ZDHHC13: variants seen among roughly 807,000 people sequenced by gnomAD.
ZDHHC13 encodes the protein palmitoyltransferase ZDHHC13.
ZDHHC13 carries 85 observed loss-of-function variants against 86.0 expected under a neutral mutation model. The ratio of observed to expected loss-of-function variants is 0.99; its 90% CI spans 0.83 to 1.18. The LOEUF is 1.18. ZDHHC13 is among the 50% of genes most tolerant of loss of function. ZDHHC13 has a pLI of 0.00. For missense variants in ZDHHC13, 711 were observed against 730.2 expected, an observed-to-expected ratio of 0.97 and a Z score of 0.30; for synonymous variants, 263 against 246.4, an observed-to-expected ratio of 1.07 and a Z score of -0.63.
intron 2 of ZDHHC13, among the ~76,000 whole-genome samples, chr11:19,144,798 A>G (rs1342759542): frequency 6.6e-6 from 1 of 152,160 alleles, no homozygotes; most frequent in African/African-American, 2.4e-5. Flanking sequence ...AAAGTGCTAA[A>G]GGGTCAGTTG....
At chr11:19,138,335 C>T (rs1202513139) in intron 1 of ZDHHC13, among the ~76,000 whole-genome samples, 61 of 151,996 alleles carry the variant, frequency 4.0e-4, no homozygotes, top group African/African-American at 1.4e-3. Context: ...AATTCCTCAA[C>T]ACATACACTC....
At chr11:19,159,760 G>A (rs1019782893) in intron 10 of ZDHHC13, among the ~76,000 whole-genome samples, 2 of 152,106 alleles carry the variant, frequency 1.3e-5, no homozygotes, top group African/African-American at 4.8e-5. Context: ...TTAGGGGTGT[G>A]TTGTTCTCTT....
At chr11:19,139,485 A>T (rs74502983) in intron 1 of ZDHHC13, among the ~76,000 whole-genome samples, 1 of 96,576 alleles carries the variant, frequency 1.0e-5, no homozygotes, top group Non-Finnish European at 2.4e-5. Context: ...AATGGCCCTA[A>T]TGCCCAAGGT....
At chr11:19,140,053 A>C (rs61887282) in intron 1 of ZDHHC13, among the ~76,000 whole-genome samples, 4 of 145,446 alleles carry the variant, frequency 2.8e-5, no homozygotes, top group African/African-American at 5.1e-5. Context: ...ACAAAAGCCA[A>C]AATTGACAAA....
intron 1 of ZDHHC13, among the ~76,000 whole-genome samples, chr11:19,140,935 A>C (rs182196768): frequency 6.9e-4 from 54 of 78,176 alleles, no homozygotes; most frequent in African/African-American, 2.2e-3. Context: ...GGGAGGGGGG[A>C]GGGATAGCAT....
chr11:19,172,760 G>T lies in ZDHHC13; in HGVS notation c.1670G>T (p.Ser557Ile), dbSNP rs1565045236. ...FLGLTSHERISLQKQSKHMKQ... is the reference protein window; with the variant it reads ...FLGLTSHERIILQKQSKHMKQ... ...GGCCTGACCTCCCATGAGAGAATCA[G>T]CCTGCAGAAGCAGAGCAAGCATATG... is the stretch of plus-strand genomic sequence containing the variant. Residue 557 changes from serine (S) to isoleucine (I), a missense_variant, in exon 16 of 17, where the codon AGC becomes ATC. Ser to Ile is a moderately radical substitution (Grantham distance 142). Transcript: ENST00000446113. 2 of 1,605,720 alleles carry T rather than the reference G, an allele frequency of 1.2e-6. No individual in the cohort carries two copies. Among genetic ancestry groups the T allele is most frequent in the Non-Finnish European group, 1.7e-6 (2 of 1,176,122 alleles).
intron 11 of ZDHHC13, among the ~76,000 whole-genome samples, chr11:19,164,074 T>A (rs1849987340): frequency 6.6e-6 from 1 of 151,758 alleles, no homozygotes; most frequent in Non-Finnish European, 1.5e-5. Flanking sequence ...TAGGTGGGAG[T>A]GGTGGGGTGG....
chr11:19,161,548 T>G (rs1849911263), intron 10 of ZDHHC13, among the ~76,000 whole-genome samples: 1 of 152,042 alleles, frequency 6.6e-6, no homozygotes, highest in South Asian at 2.1e-4. Flanking sequence ...TTTCTTTTGG[T>G]ACCTTTTATA....
At chr11:19,129,267 T>C (rs1848939756) in intron 1 of ZDHHC13, among the ~76,000 whole-genome samples, 1 of 152,246 alleles carries the variant, frequency 6.6e-6, no homozygotes, top group Non-Finnish European at 1.5e-5. Flanking sequence ...TTTATTATGC[T>C]GTCTGGTACT....
At position 19,176,366 on chromosome 11, in the gene ZDHHC13, A is replaced by G. The variant is rs1850363903; in HGVS notation, c.*406A>G. Reference sequence around the variant, plus strand: ...CTATAAATATGTAAAAAATATTTAAATAGATGTACCTGTTTTGCTTTCACA... The same window carrying G: ...CTATAAATATGTAAAAAATATTTAAGTAGATGTACCTGTTTTGCTTTCACA... On this transcript the variant is annotated 3_prime_UTR_variant, in exon 17 of 17. Coordinates refer to ENST00000446113, the MANE Select transcript of ZDHHC13 (RefSeq NM_019028.3). The G allele has an allele frequency of 6.5e-6, 1 of 153,232 alleles. No individual in the cohort carries two copies. Among genetic ancestry groups the G allele is most frequent in the African/African-American group, 2.4e-5 (1 of 41,470 alleles). The allele number at this position is 153,232 out of a possible 1,614,324, so 9.5% of individuals were successfully genotyped here. A position where few individuals can be genotyped will look rare whatever the true frequency, so the allele number is the denominator to read the frequency against.
intron 13 of ZDHHC13, 142 bp from the exon 14 acceptor site, chr11:19,166,160 A>G: frequency 1.5e-6 from 1 of 648,458 alleles, no homozygotes; most frequent in Non-Finnish European, 2.7e-6. Flanking sequence ...GTTTGATTTA[A>G]TGGTACTTAA....
rs61887276 is a variant in ZDHHC13, at chr11:19,137,618, A to T, written c.28-5360A>T. On this transcript the variant is annotated intron_variant, in intron 1 of 16. Transcript: ENST00000446113. ...CCCCAAATCAACAGAATATACATTT[A>T]TTTCAGCACCACACCACACCTATTC... Among the ~76,000 whole-genome samples the T allele has an allele frequency of 3.7e-3, 556 of 152,208 alleles. 2 individuals are homozygous for T. Among genetic ancestry groups the T allele is most frequent in the African/African-American group, 0.011 (456 of 41,514 alleles).
At chr11:19,125,329 A>G (rs1005588657) in intron 1 of ZDHHC13, among the ~76,000 whole-genome samples, 1 of 152,320 alleles carries the variant, frequency 6.6e-6, no homozygotes, top group South Asian at 2.1e-4. Flanking sequence ...TTGAACAGAC[A>G]CTTCACCAGA....
intron 14 of ZDHHC13, chr11:19,168,761 C>G: frequency 1.0e-6 from 1 of 976,516 alleles, no homozygotes; most frequent in Non-Finnish European, 1.2e-6. Context: ...TCTATACTCT[C>G]CTTCTCATGT....
Position 19,143,087 on chromosome 11 carries a change from A to G in ZDHHC13, c.137A>G (p.Glu46Gly). The change falls in exon 2 of 17, where the codon GAG (glutamate) becomes GGG (glycine). Residue 46 changes from glutamate to glycine, a missense_variant. By Grantham distance (98) the Glu-to-Gly change is moderately conservative (BLOSUM62 -2). Coordinates refer to ENST00000446113, the MANE Select transcript of ZDHHC13 (RefSeq NM_019028.3). ...GCAAGAGAAGCTCTTCCTCTTATAG[A>G]GGACTCTAGTAACTGTGACATTGTC... The part of the protein sequence containing the change: ...ANAREALPLI[E>G]DSSNCDIVKA... 6.2e-7 allele frequency: 1 copy of G among 1,613,358 alleles called. No homozygotes were observed. The highest frequency in any genetic ancestry group is 8.5e-7 in the Non-Finnish European group (1 of 1,179,548).
rs188823977 is a variant in ZDHHC13 at position 19,140,630 on chromosome 11, G to A, written c.28-2348G>A. Among the ~76,000 whole-genome samples, 1,247 of 152,046 alleles carry A rather than the reference G, an allele frequency of 8.2e-3. 12 individuals carry two copies. Among genetic ancestry groups the A allele is most frequent in the African/African-American group, 0.027 (1,131 of 41,472 alleles). On this transcript the variant is annotated intron_variant, in intron 1 of 16. Transcript: ENST00000446113. Reference sequence around the variant, plus strand: ...ACACATGCACACGTATGTTTATTGCGGCATTATTCACAATAGTGAAGACTT... The same window carrying A: ...ACACATGCACACGTATGTTTATTGCAGCATTATTCACAATAGTGAAGACTT...
At chr11:19,152,051 C>T in intron 6 of ZDHHC13, 107 bp from the exon 7 acceptor site, 2 of 1,218,246 alleles carry the variant, frequency 1.6e-6, no homozygotes, top group Non-Finnish European at 2.3e-6. Flanking sequence ...GAATACTTAA[C>T]TGAATGGTTA....
At chr11:19,166,213 CT>C (rs1344583752) in intron 13 of ZDHHC13, 88 bp from the exon 14 acceptor site, 2 of 1,056,522 alleles carry the variant, frequency 1.9e-6, no homozygotes, top group African/African-American at 1.6e-5. Context: ...TTGGTGAAGA[CT>C]TTTGACAGGA....
At chr11:19,123,996 T>C (rs1445574747) in intron 1 of ZDHHC13, among the ~76,000 whole-genome samples, 1 of 152,182 alleles carries the variant, frequency 6.6e-6, no homozygotes, top group African/African-American at 2.4e-5. Context: ...TCTATTTATG[T>C]TTAAAATGCA....
Sources: gnomAD v4.1 joint callset for allele counts (sites outside exome capture counted in the v4.1 genomes callset) on GRCh38, gnomAD v4.1.1 for gene constraint, MANE v1.5 for transcripts, NCBI Gene and HGNC (gene_info 2026-07-23, HGNC 2026-07-21) for gene names.